SLC35D4: variants seen among roughly 807,000 people sequenced by gnomAD.
SLC35D4 encodes the protein UDP-N-acetylglucosamine transporter SLC35D4.
At chr18:23,366,628 C>T in the SLC35D4 span, among the ~76,000 whole-genome samples, 2 of 152,160 alleles carry the variant, frequency 1.3e-5, no homozygotes, top group African/African-American at 4.8e-5. Flanking sequence ...ACAAGGAATC[C>T]CTAGTTGGTG....
chr18:23,435,678 C>T, the SLC35D4 span, among the ~76,000 whole-genome samples: 4 of 152,262 alleles, frequency 2.6e-5, no homozygotes, highest in African/African-American at 4.8e-5. Flanking sequence ...CACTAGGCCA[C>T]CTACCTTACA....
chr18:23,293,158 C>T, the SLC35D4 span, among the ~76,000 whole-genome samples: 4 of 152,194 alleles, frequency 2.6e-5, no homozygotes, highest in East Asian at 3.9e-4. Context: ...GCAGGAGAAT[C>T]GCTTGAACCT....
the SLC35D4 span, among the ~76,000 whole-genome samples, chr18:23,249,793 G>C: frequency 6.6e-6 from 1 of 151,924 alleles, no homozygotes; most frequent in African/African-American, 2.4e-5. Context: ...CGATCTTCTC[G>C]GACATCCTGG....
At chr18:23,350,003 G>GAT in the SLC35D4 span, among the ~76,000 whole-genome samples, 1 of 152,214 alleles carries the variant, frequency 6.6e-6, no homozygotes, top group African/African-American at 2.4e-5. Flanking sequence ...GACACCCAGA[G>GAT]ATAGTTCCTA....
chr18:23,372,022 G>A, the SLC35D4 span, among the ~76,000 whole-genome samples: 4 of 126,562 alleles, frequency 3.2e-5, no homozygotes, highest in East Asian at 7.1e-4. Flanking sequence ...TGCAAGCTCC[G>A]CCTCCCGGGT....
chr18:23,398,338 T>C, the SLC35D4 span, among the ~76,000 whole-genome samples: 1 of 152,198 alleles, frequency 6.6e-6, no homozygotes, highest in Admixed American at 6.5e-5. Context: ...CAAATGTAAC[T>C]ATCCAGAGCC....
At chr18:23,385,936 CCT>C in the SLC35D4 span, among the ~76,000 whole-genome samples, 1 of 151,718 alleles carries the variant, frequency 6.6e-6, no homozygotes, top group Admixed American at 6.6e-5. Flanking sequence ...TCGAGCCCAT[CCT>C]GGCTAACATG....
the SLC35D4 span, among the ~76,000 whole-genome samples, chr18:23,293,993 C>T: frequency 6.6e-6 from 1 of 151,942 alleles, no homozygotes; most frequent in African/African-American, 2.4e-5. Flanking sequence ...GATGGAGGTT[C>T]ACTGTGTTGC....
At chr18:23,295,958 ATAGT>A in the SLC35D4 span, 7 of 152,296 alleles carry the variant, frequency 4.6e-5, no homozygotes, top group East Asian at 1.4e-3. Context: ...AGAAATATTT[ATAGT>A]TAGTCATTAT....
the SLC35D4 span, among the ~76,000 whole-genome samples, chr18:23,375,784 C>T: frequency 6.6e-6 from 1 of 152,122 alleles, no homozygotes; most frequent in Admixed American, 6.6e-5. Context: ...TTTAAAAATT[C>T]TTGCTCAAAA....
At chr18:23,362,096 G>C in the SLC35D4 span, among the ~76,000 whole-genome samples, 1 of 152,196 alleles carries the variant, frequency 6.6e-6, no homozygotes, top group Non-Finnish European at 1.5e-5. Context: ...GAGTAATTAA[G>C]TGTCCAAGGT....
chr18:23,360,573 T>C, the SLC35D4 span, among the ~76,000 whole-genome samples: 5 of 152,162 alleles, frequency 3.3e-5, no homozygotes, highest in Admixed American at 2.6e-4. Context: ...ACAGAACTTA[T>C]CTATGGTAAC....
At chr18:23,434,264 C>A in the SLC35D4 span, among the ~76,000 whole-genome samples, 1 of 152,134 alleles carries the variant, frequency 6.6e-6, no homozygotes, top group Non-Finnish European at 1.5e-5. Context: ...CCTTGGTCTC[C>A]CCTTCTTTCC....
chr18:23,306,014 T>C, the SLC35D4 span, among the ~76,000 whole-genome samples: 4 of 152,346 alleles, frequency 2.6e-5, no homozygotes, highest in Admixed American at 2.6e-4. Context: ...CCACTGGTGC[T>C]GCCCCTCACA....
the SLC35D4 span, among the ~76,000 whole-genome samples, chr18:23,255,557 ATTTTT>A: frequency 3.0e-5 from 4 of 132,540 alleles, no homozygotes; most frequent in Non-Finnish European, 4.8e-5. Context: ...TGAACTAATG[ATTTTT>A]TTTTTTTTTT....
the SLC35D4 span, among the ~76,000 whole-genome samples, chr18:23,404,071 CTG>C: frequency 6.6e-6 from 1 of 152,074 alleles, no homozygotes; most frequent in African/African-American, 2.4e-5. Context: ...TGAGCCGAGA[CTG>C]TGCCACTGCA....
the SLC35D4 span, among the ~76,000 whole-genome samples, chr18:23,336,778 C>CT: frequency 6.6e-6 from 1 of 152,120 alleles, no homozygotes; most frequent in South Asian, 2.1e-4. Context: ...CTGTGATTAC[C>CT]GTTCACCATC....
the SLC35D4 span, among the ~76,000 whole-genome samples, chr18:23,422,103 A>G: frequency 2.0e-5 from 3 of 152,060 alleles, no homozygotes; most frequent in African/African-American, 7.2e-5. Context: ...TATCTCCCAC[A>G]ATATCTCCCA....
At chr18:23,276,189 G>A in the SLC35D4 span, among the ~76,000 whole-genome samples, 7 of 151,728 alleles carry the variant, frequency 4.6e-5, no homozygotes, top group South Asian at 2.1e-4. Context: ...CCGGGTTCAC[G>A]CCATTCTCCT....
Sources: allele counts gnomAD v4.1 joint callset (sites outside exome capture counted in the v4.1 genomes callset), GRCh38; gene constraint gnomAD v4.1.1; transcripts MANE v1.5; gene names NCBI Gene and HGNC (gene_info 2026-07-23, HGNC 2026-07-21).